The following SCUBE1 variants were observed in gnomAD, a reference collection of about 807,000 sequenced individuals.
The protein encoded by SCUBE1 is signal peptide, CUB domain and EGF like domain containing 1, also known as signal peptide, CUB and EGF-like domain-containing protein 1.
SCUBE1 carries 59 observed loss-of-function variants against 124.4 expected under a neutral mutation model. The ratio of observed to expected loss-of-function variants is 0.47; its 90% CI spans 0.38 to 0.59. SCUBE1 has a LOEUF of 0.59. Ranked by LOEUF, SCUBE1 falls within the 20% of genes least tolerant of loss-of-function variation. The pLI, the probability that SCUBE1 is intolerant of heterozygous loss-of-function variation, is 0.00. For synonymous variants in SCUBE1, 545 were observed against 550.9 expected, an observed-to-expected ratio of 0.99 and a Z score of 0.15; for missense variants, 1,150 against 1,371.2, an observed-to-expected ratio of 0.84 and a Z score of 2.55.
intron 15 of SCUBE1, among the ~76,000 whole-genome samples, chr22:43,214,988 T>C (rs558714959): frequency 3.3e-5 from 5 of 152,262 alleles, no homozygotes; most frequent in Admixed American, 6.5e-5. Context: ...CCCCCACCCA[T>C]AGATTCCCAT....
chr22:43,327,003 C>T lies in SCUBE1; in HGVS notation c.221-6938G>A, dbSNP rs554014223. Among the ~76,000 whole-genome samples, 7 of 152,302 alleles carry T rather than the reference C, an allele frequency of 4.6e-5. No individual in the cohort carries two copies. The South Asian group carries it at 1.5e-3, about 32-fold the overall frequency. On this transcript the variant is annotated intron_variant, in intron 2 of 21. Coordinates refer to ENST00000360835, the MANE Select transcript of SCUBE1 (RefSeq NM_173050.5). ...TCTGTGTCCTCTGATGCTGCAAATC[C>T]ATGAGAACGAGAACTGTGTCCTGTG...
chr22:43,315,248 C>T (rs984311492), intron 3 of SCUBE1, among the ~76,000 whole-genome samples: 7 of 151,830 alleles, frequency 4.6e-5, no homozygotes, highest in African/African-American at 1.7e-4. Flanking sequence ...ATCATGACAC[C>T]GACCCTCCGA....
intron 21 of SCUBE1, among the ~76,000 whole-genome samples, chr22:43,204,993 C>G (rs1441169607): frequency 2.0e-5 from 3 of 150,988 alleles, no homozygotes; most frequent in Non-Finnish European, 4.4e-5. Flanking sequence ...TGCAAAATGA[C>G]ACAACACAAC....
chr22:43,249,264 G>A (rs1216940606), intron 6 of SCUBE1, among the ~76,000 whole-genome samples: 9 of 151,634 alleles, frequency 5.9e-5, no homozygotes, highest in Admixed American at 2.6e-4. Context: ...AGGGACACCC[G>A]GGACCCTGGA....
chr22:43,213,294 C>T (rs1921653780), intron 16 of SCUBE1: 1 of 152,354 alleles, frequency 6.6e-6, no homozygotes, highest in African/African-American at 2.4e-5. Context: ...GGAGACCACA[C>T]TCCTGGAGTG....
intron 6 of SCUBE1, among the ~76,000 whole-genome samples, chr22:43,240,937 T>C (rs913991755): frequency 2.0e-5 from 3 of 151,776 alleles, no homozygotes; most frequent in African/African-American, 7.3e-5. Context: ...CTTGGAGAGA[T>C]GGGGGAACAT....
intron 2 of SCUBE1, among the ~76,000 whole-genome samples, chr22:43,330,000 G>T (rs1461165476): frequency 6.6e-6 from 1 of 152,062 alleles, no homozygotes; most frequent in Non-Finnish European, 1.5e-5. Flanking sequence ...GGGAGCTGGA[G>T]GACATGGAGG....
In SCUBE1 at chr22:43,227,623, G is replaced by T. The variant is rs1257273561; in HGVS notation, c.1085-127C>A. On this transcript the variant is annotated intron_variant, in intron 9 of 21. Transcript: ENST00000360835. ...ACCGAGTCGGACAGCATCACGGGAT[G>T]CAGATGAGCAGTGCACACGCCACAC... The T allele has an allele frequency of 4.2e-6, 5 of 1,195,708 alleles. No individual in the cohort carries two copies. In the Admixed American group the frequency reaches 6.2e-5, roughly 15 times the overall value. 74.1% of individuals were successfully genotyped at this position (1,195,708 alleles called of 1,614,324 possible). A position where few individuals can be genotyped will look rare whatever the true frequency, so the allele number is the denominator to read the frequency against.
rs1406168305 is a variant in SCUBE1 at position 43,258,372 on chromosome 22, C to T, written c.611-37G>A. On this transcript the variant is annotated intron_variant, in intron 5 of 21. Transcript: ENST00000360835. This position sits in a 1 kb window ranked among gnomAD's most constrained non-coding sequence, Gnocchi z 5.0. ...CAAAGTGTACACACGGGTGTATAAA[C>T]AGAACAACAAAAACGGTTAGTTTGC... 2 of 1,472,126 alleles carry T rather than the reference C, an allele frequency of 1.4e-6. No individual in the cohort carries two copies. The highest frequency in any genetic ancestry group is 9.5e-7 in the Non-Finnish European group (1 of 1,050,668). 91.2% of individuals were successfully genotyped at this position (1,472,126 alleles called of 1,614,324 possible). A position where few individuals can be genotyped will look rare whatever the true frequency, so the allele number is the denominator to read the frequency against.
At chr22:43,291,747 C>T (rs921736041) in intron 3 of SCUBE1, among the ~76,000 whole-genome samples, 2 of 152,188 alleles carry the variant, frequency 1.3e-5, no homozygotes, top group Admixed American at 1.3e-4. Flanking sequence ...TAGCTCACTC[C>T]AACTCAACAG....
At chr22:43,220,321 G>C in intron 14 of SCUBE1, 129 bp downstream of exon 14, 2 of 1,075,566 alleles carry the variant, frequency 1.9e-6, no homozygotes, top group South Asian at 3.1e-5. Context: ...CAGAAGCTGG[G>C]CTCCCATCCC....
At chr22:43,222,213 C>G (rs1330173592) in intron 12 of SCUBE1, among the ~76,000 whole-genome samples, 1 of 152,246 alleles carries the variant, frequency 6.6e-6, no homozygotes, top group East Asian at 1.9e-4. Flanking sequence ...CGACCAAGCC[C>G]AGCGGGTCAC....
intron 3 of SCUBE1, among the ~76,000 whole-genome samples, chr22:43,298,366 G>C (rs1371684355): frequency 6.6e-6 from 1 of 152,214 alleles, no homozygotes; most frequent in South Asian, 2.1e-4. Flanking sequence ...CAGGTTGGCC[G>C]TGTGCAGAAG....
At chr22:43,244,340 G>A (rs1366871409) in intron 6 of SCUBE1, among the ~76,000 whole-genome samples, 1 of 152,226 alleles carries the variant, frequency 6.6e-6, no homozygotes, top group Non-Finnish European at 1.5e-5. Flanking sequence ...TGTGTGCAGA[G>A]GCCTCTCCCA....
intron 4 of SCUBE1, among the ~76,000 whole-genome samples, chr22:43,289,659 C>T (rs1925280993): frequency 6.6e-6 from 1 of 152,250 alleles, no homozygotes; most frequent in African/African-American, 2.4e-5. Context: ...CAGCCTCCTG[C>T]CTGCTCACGG....
chr22:43,236,599 T>C (rs1413260088), intron 7 of SCUBE1, among the ~76,000 whole-genome samples: 1 of 152,202 alleles, frequency 6.6e-6, no homozygotes, highest in Non-Finnish European at 1.5e-5. Flanking sequence ...GCCCGCCTCC[T>C]TTGCGTCCTT....
chr22:43,277,738 G>A lies in SCUBE1; in HGVS notation c.484+13308C>T, dbSNP rs186297343. On this transcript the variant is annotated intron_variant, in intron 4 of 21. Transcript: ENST00000360835. ...TATGCACTATGCTCAGCTATGATGC[G>A]TATGACAGCTTTGCACAGTTCTAGT... 3.3e-4 allele frequency among the ~76,000 whole-genome samples: 50 copies of A among 152,352 alleles called. No homozygotes were observed. In the East Asian group the frequency reaches 7.1e-3, roughly 22 times the overall value.
rs76474883 is a variant in SCUBE1 at position 43,311,406 on chromosome 22, T to C, written c.349+8531A>G. ...GAATACTAGGTGGAAGGCTTTAGTA[T>C]TATTCCTAATGTAGCACTTTTTTTT... On this transcript the variant is annotated intron_variant, in intron 3 of 21. Transcript: ENST00000360835. Among the ~76,000 whole-genome samples the C allele has an allele frequency of 5.2e-3, 778 of 150,150 alleles. 4 individuals carry two copies. Among genetic ancestry groups the C allele is most frequent in the African/African-American group, 0.017 (697 of 40,684 alleles).
At chr22:43,214,460 C>A (rs1188054778) in intron 15 of SCUBE1, among the ~76,000 whole-genome samples, 1 of 152,234 alleles carries the variant, frequency 6.6e-6, no homozygotes, top group African/African-American at 2.4e-5. Flanking sequence ...CCTGGCCCCT[C>A]TGGCTGCTGC....
Sources: allele counts gnomAD v4.1 joint callset (sites outside exome capture counted in the v4.1 genomes callset), GRCh38; gene constraint gnomAD v4.1.1; non-coding constraint Gnocchi (gnomAD v3.1); transcripts MANE v1.5; gene names NCBI Gene and HGNC (gene_info 2026-07-23, HGNC 2026-07-21).